Variants in LRRTM4 observed in about 807,000 individuals in gnomAD.
LRRTM4 encodes leucine rich repeat transmembrane neuronal 4, also known as leucine-rich repeat transmembrane neuronal protein 4.
Under a neutral mutation model 47.6 loss-of-function variants are expected in LRRTM4, and 25 were observed. The ratio of observed to expected loss-of-function variants is 0.53; its 90% CI spans 0.38 to 0.73. LRRTM4 has a LOEUF of 0.73. Ranked by LOEUF, LRRTM4 falls within the 30% of genes least tolerant of loss-of-function variation. The probability of loss-of-function intolerance (pLI) is 0.00; values close to 1 mark genes in which losing one functional copy is unlikely to be tolerated. For synonymous variants in LRRTM4, 311 were observed against 269.5 expected, an observed-to-expected ratio of 1.15 and a Z score of -1.51; for missense variants, 638 against 713.4, an observed-to-expected ratio of 0.89 and a Z score of 1.20.
At chr2:77,362,115 G>GAGAAAGAAAGAAAGAGAGAA in intron 3 of LRRTM4, among the ~76,000 whole-genome samples, 1 of 98,840 alleles carries the variant, frequency 1.0e-5, no homozygotes, top group East Asian at 3.0e-4. Flanking sequence ...GAAAGAAAGA[G>GAGAAAGAAAGAAAGAGAGAA]AGAAAGAAAG....
intron 3 of LRRTM4, among the ~76,000 whole-genome samples, chr2:77,136,639 G>A (rs1228401038): frequency 1.3e-5 from 2 of 152,222 alleles, no homozygotes; most frequent in African/African-American, 4.8e-5. Context: ...TGACTTTTAT[G>A]AGTTGAGAGA....
intron 3 of LRRTM4, among the ~76,000 whole-genome samples, chr2:77,203,273 G>T (rs778568727): frequency 1.1e-4 from 17 of 152,014 alleles, no homozygotes; most frequent in Non-Finnish European, 2.5e-4. Context: ...GAATAGACGG[G>T]TCCCTAAACG....
intron 3 of LRRTM4, among the ~76,000 whole-genome samples, chr2:76,912,952 C>T (rs1025195104): frequency 2.0e-5 from 3 of 152,140 alleles, no homozygotes; most frequent in Admixed American, 1.3e-4. Flanking sequence ...AGCCAATTAA[C>T]CACTTTCATT....
At chr2:76,867,960 T>C (rs1211555455) in intron 3 of LRRTM4, among the ~76,000 whole-genome samples, 1 of 152,114 alleles carries the variant, frequency 6.6e-6, no homozygotes, top group African/African-American at 2.4e-5. Flanking sequence ...TCTAGAGAGA[T>C]CAATTCTATG....
intron 3 of LRRTM4, among the ~76,000 whole-genome samples, chr2:77,148,834 G>A (rs916611153): frequency 6.6e-6 from 1 of 152,078 alleles, no homozygotes; most frequent in East Asian, 1.9e-4. Flanking sequence ...TAAAGAAGAA[G>A]AACCTCGCAG....
intron 3 of LRRTM4, among the ~76,000 whole-genome samples, chr2:77,268,623 A>G (rs530090542): frequency 1.3e-5 from 2 of 152,254 alleles, no homozygotes; most frequent in East Asian, 3.9e-4. Context: ...CTTAAAGTCC[A>G]CTAGGTTATC....
At chr2:77,179,078 G>T (rs57164650) in intron 3 of LRRTM4, among the ~76,000 whole-genome samples, 5 of 151,970 alleles carry the variant, frequency 3.3e-5, no homozygotes, top group African/African-American at 4.8e-5. Flanking sequence ...GCATTTTTGC[G>T]TAATACAAAA....
intron 3 of LRRTM4, among the ~76,000 whole-genome samples, chr2:77,328,278 T>C (rs1488750004): frequency 6.6e-6 from 1 of 152,156 alleles, no homozygotes; most frequent in Non-Finnish European, 1.5e-5. Context: ...GAATAATAGC[T>C]CTCTGCAAAA....
chr2:77,418,539 A>G (rs7573721), intron 3 of LRRTM4, among the ~76,000 whole-genome samples: 70 of 152,312 alleles, frequency 4.6e-4, no homozygotes, highest in African/African-American at 1.6e-3. Context: ...AAAAATTTCC[A>G]GTGATTCTCC....
intron 3 of LRRTM4, among the ~76,000 whole-genome samples, chr2:77,150,539 T>C (rs1368136985): frequency 6.6e-6 from 1 of 152,214 alleles, no homozygotes; most frequent in African/African-American, 2.4e-5. Context: ...ATCTCATTTT[T>C]AGTGAACTAT....
At chr2:76,942,825 T>C (rs545283468) in intron 3 of LRRTM4, among the ~76,000 whole-genome samples, 1 of 152,250 alleles carries the variant, frequency 6.6e-6, no homozygotes, top group African/African-American at 2.4e-5. Flanking sequence ...ATTTCTATCT[T>C]ATGGCTTCTA....
chr2:76,968,233 A>G (rs926683128), intron 3 of LRRTM4, among the ~76,000 whole-genome samples: 1 of 149,776 alleles, frequency 6.7e-6, no homozygotes, highest in African/African-American at 2.5e-5. Context: ...AGTGTAAATT[A>G]AAACAACATT....
intron 3 of LRRTM4, among the ~76,000 whole-genome samples, chr2:77,445,298 C>T (rs1391308381): frequency 1.3e-5 from 2 of 151,814 alleles, no homozygotes; most frequent in Non-Finnish European, 1.5e-5. Flanking sequence ...TGAATCAACA[C>T]ATGTGGCATA....
chr2:76,910,322 A>T (rs1011291386), intron 3 of LRRTM4, among the ~76,000 whole-genome samples: 1 of 129,380 alleles, frequency 7.7e-6, no homozygotes, highest in Non-Finnish European at 1.6e-5. Context: ...CAGGAAGGGG[A>T]ACATCACACT....
At chr2:77,190,163 A>C (rs1240101885) in intron 3 of LRRTM4, among the ~76,000 whole-genome samples, 1 of 151,990 alleles carries the variant, frequency 6.6e-6, no homozygotes, top group African/African-American at 2.4e-5. Context: ...TCATTCAATA[A>C]GATTTTATTC....
chr2:77,281,301 T>C (rs1676500075), intron 3 of LRRTM4, among the ~76,000 whole-genome samples: 1 of 151,926 alleles, frequency 6.6e-6, no homozygotes, highest in African/African-American at 2.4e-5. Flanking sequence ...TCTCAAATTA[T>C]TCATGATTTC....
chr2:77,386,706 A>G (rs891108732), intron 3 of LRRTM4, among the ~76,000 whole-genome samples: 8 of 152,078 alleles, frequency 5.3e-5, no homozygotes, highest in African/African-American at 1.9e-4. Context: ...CAAACACCGC[A>G]TGTTCTCACT....
chr2:77,028,832 A>C (rs190404939), intron 3 of LRRTM4, among the ~76,000 whole-genome samples: 1 of 151,478 alleles, frequency 6.6e-6, no homozygotes, highest in Admixed American at 6.6e-5. Context: ...TCAGGAGATC[A>C]AGACCATCCT....
At chr2:77,064,709 C>T (rs1037454646) in intron 3 of LRRTM4, among the ~76,000 whole-genome samples, 2 of 152,168 alleles carry the variant, frequency 1.3e-5, no homozygotes, top group African/African-American at 2.4e-5. Context: ...TTGCTTGATG[C>T]TTTTACTTCA....
Sources: allele counts gnomAD v4.1 joint callset (sites outside exome capture counted in the v4.1 genomes callset), GRCh38; gene constraint gnomAD v4.1.1; transcripts MANE v1.5; gene names NCBI Gene and HGNC (gene_info 2026-07-23, HGNC 2026-07-21).